ZNF804A: variants seen among roughly 807,000 people sequenced by gnomAD.
The protein encoded by ZNF804A is zinc finger protein 804A.
A neutral mutation model predicts 16.5 loss-of-function variants in ZNF804A; 2 were observed. The ratio of observed to expected loss-of-function variants is 0.12; its 90% CI spans 0.05 to 0.38. The LOEUF is 0.38. ZNF804A is among the 10% of genes least tolerant of loss of function. The pLI, the probability that ZNF804A is intolerant of heterozygous loss-of-function variation, is 0.99. For missense variants in ZNF804A, 1,473 were observed against 1,390.7 expected, an observed-to-expected ratio of 1.06 and a Z score of -0.94; for synonymous variants, 534 against 489.6, an observed-to-expected ratio of 1.09 and a Z score of -1.20.
intron 1 of ZNF804A, among the ~76,000 whole-genome samples, chr2:184,698,054 A>G (rs1296339432): frequency 1.3e-5 from 2 of 152,104 alleles, no homozygotes; most frequent in Non-Finnish European, 2.9e-5. Context: ...TAAAAGGTTC[A>G]GATTTAATTT....
In ZNF804A at chr2:184,938,022, A is replaced by C; in HGVS notation, c.2626A>C (p.Arg876=). The change falls in exon 4 of 4, where the codon AGA becomes CGA. Residue 876 remains arginine, a synonymous_variant. Coordinates refer to ENST00000302277, the MANE Select transcript of ZNF804A (RefSeq NM_194250.2). ...GAACTCAGAACAAACAAACCAATTA[A>C]GAAACAAACTGTCTTTCCACCCTAA... ...ERNSEQTNQL[R]NKLSFHPNNL... 6.2e-7 allele frequency: 1 copy of C among 1,614,118 alleles called. No individual in the cohort carries two copies. The highest frequency in any genetic ancestry group is 8.5e-7 in the Non-Finnish European group (1 of 1,180,016).
chr2:184,702,840 T>C (rs535744365), intron 1 of ZNF804A, among the ~76,000 whole-genome samples: 3 of 152,324 alleles, frequency 2.0e-5, no homozygotes, highest in African/African-American at 4.8e-5. Flanking sequence ...GTATATGTTA[T>C]GTATATCTAT....
At chr2:184,649,583 G>T (rs940026872) in intron 1 of ZNF804A, among the ~76,000 whole-genome samples, 6 of 151,768 alleles carry the variant, frequency 4.0e-5, no homozygotes, top group Non-Finnish European at 8.8e-5. Context: ...AAATGACAAA[G>T]GTGACATTAC....
chr2:184,880,286 C>A (rs1046977574), intron 2 of ZNF804A, among the ~76,000 whole-genome samples: 2 of 152,112 alleles, frequency 1.3e-5, no homozygotes, highest in African/African-American at 4.8e-5. Context: ...GATATGACAG[C>A]TTTACCCTAA....
In ZNF804A at chr2:184,768,144, G is replaced by A. The variant is rs1187261802; in HGVS notation, c.112-98225G>A. ...ACAGTAAAAAATACAAACTTAAAAA[G>A]CAATACAGGAAAACAACTATTTGCA... On this transcript the variant is annotated intron_variant, in intron 1 of 3. Coordinates refer to ENST00000302277, the MANE Select transcript of ZNF804A (RefSeq NM_194250.2). Among the ~76,000 whole-genome samples the A allele has an allele frequency of 2.6e-5, 4 of 151,920 alleles. 1 individual carries two copies. In the East Asian group the frequency reaches 5.8e-4, roughly 22 times the overall value.
At chr2:184,686,570 G>A (rs1692637416) in intron 1 of ZNF804A, among the ~76,000 whole-genome samples, 1 of 152,200 alleles carries the variant, frequency 6.6e-6, no homozygotes, top group Admixed American at 6.5e-5. Context: ...AGTAATGGGA[G>A]CATTGAGTTG....
Position 184,938,452 on chromosome 2 carries a change from C to A in ZNF804A, c.3056C>A (p.Thr1019Lys), listed in dbSNP as rs200513295. 89 of 1,613,972 alleles carry A rather than the reference C, an allele frequency of 5.5e-5. No homozygotes were observed. The highest frequency in any genetic ancestry group is 6.9e-5 in the Non-Finnish European group (82 of 1,180,018). The change falls in exon 4 of 4, where the codon ACA becomes AAA. Residue 1019 changes from threonine (T) to lysine (K), a missense_variant. Thr to Lys is a moderately conservative substitution (Grantham distance 78). Transcript: ENST00000302277. ...EAHVSGHTFV[T>K]AEQILAPLAL... ...CATGTCAGTGGTCATACTTTTGTAA[C>A]AGCTGAGCAAATCCTGGCTCCATTA...
chr2:184,848,827 T>A (rs1695560633), intron 1 of ZNF804A, among the ~76,000 whole-genome samples: 1 of 152,064 alleles, frequency 6.6e-6, no homozygotes, highest in African/African-American at 2.4e-5. Context: ...TGAGGAATGA[T>A]AACATCTTAA....
In ZNF804A at chr2:184,659,400, G is replaced by A. The variant is rs1310099709; in HGVS notation, c.111+60330G>A. ...GCAGCTATTACATGTTAGGCACTTG[G>A]TCAGATACTTTATATGCACATTTTT... On this transcript the variant is annotated intron_variant, in intron 1 of 3. Transcript: ENST00000302277. 2.0e-5 allele frequency among the ~76,000 whole-genome samples: 3 copies of A among 151,940 alleles called. No individual in the cohort carries two copies. The East Asian group carries it at 5.8e-4, about 29-fold the overall frequency.
chr2:184,766,651 T>A, intron 1 of ZNF804A, among the ~76,000 whole-genome samples: 1 of 151,820 alleles, frequency 6.6e-6, no homozygotes, highest in African/African-American at 2.4e-5. Flanking sequence ...AAAAGAGAAT[T>A]ACCTTACAAT....
At chr2:184,894,383 G>A (rs1685033549) in intron 2 of ZNF804A, among the ~76,000 whole-genome samples, 1 of 151,912 alleles carries the variant, frequency 6.6e-6, no homozygotes, top group African/African-American at 2.4e-5. Flanking sequence ...GAGATGACTT[G>A]AATACATATA....
intron 1 of ZNF804A, among the ~76,000 whole-genome samples, chr2:184,709,314 T>C (rs1456252750): frequency 6.6e-6 from 1 of 152,094 alleles, no homozygotes; most frequent in African/African-American, 2.4e-5. Context: ...TGAAACCAAG[T>C]CATGTAGATA....
At position 184,717,192 on chromosome 2, in the gene ZNF804A, G is replaced by A. The variant is rs115695736; in HGVS notation, c.111+118122G>A. 7.4e-3 allele frequency among the ~76,000 whole-genome samples: 1,133 copies of A among 152,256 alleles called. 21 individuals are homozygous for A. Among genetic ancestry groups the A allele is most frequent in the African/African-American group, 0.026 (1,076 of 41,562 alleles). ...TAAATTACTATGCTTCTTAAAATTA[G>A]TTTTTGTACGTCTCTCTCTCATGAT... On this transcript the variant is annotated intron_variant, in intron 1 of 3. Transcript: ENST00000302277.
intron 1 of ZNF804A, among the ~76,000 whole-genome samples, chr2:184,735,357 C>T (rs1693590133): frequency 6.6e-6 from 1 of 152,104 alleles, no homozygotes. Flanking sequence ...AAACCAAACA[C>T]TGCATTTTCT....
intron 1 of ZNF804A, among the ~76,000 whole-genome samples, chr2:184,620,235 A>AT (rs1489856580): frequency 6.6e-6 from 1 of 151,802 alleles, no homozygotes; most frequent in African/African-American, 2.4e-5. Context: ...TTGCGTTATA[A>AT]TTCTTTAACA....
chr2:184,776,250 G>T (rs1179566237), intron 1 of ZNF804A, among the ~76,000 whole-genome samples: 1 of 151,362 alleles, frequency 6.6e-6, no homozygotes, highest in Non-Finnish European at 1.5e-5. Flanking sequence ...GAAGAGTTGA[G>T]GGAAGATTTC....
chr2:184,904,472 A>G (rs10497661), intron 2 of ZNF804A, among the ~76,000 whole-genome samples: 7,659 of 152,176 alleles, frequency 0.05, 251 homozygotes, highest in Middle Eastern at 0.078. Flanking sequence ...GTGGCATGGC[A>G]TTAGACCTTA....
chr2:184,922,030 T>G, intron 2 of ZNF804A, among the ~76,000 whole-genome samples: 1 of 152,192 alleles, frequency 6.6e-6, no homozygotes, highest in East Asian at 1.9e-4. Context: ...GATGGAGACT[T>G]AGGCTGCTTC....
chr2:184,924,869 G>T (rs1190626825), intron 2 of ZNF804A, among the ~76,000 whole-genome samples: 2 of 151,482 alleles, frequency 1.3e-5, no homozygotes, highest in African/African-American at 2.4e-5. Flanking sequence ...TCCTTTTATT[G>T]ATTTCTGGTT....
Sources: gnomAD v4.1 joint callset for allele counts (sites outside exome capture counted in the v4.1 genomes callset) on GRCh38, gnomAD v4.1.1 for gene constraint, MANE v1.5 for transcripts, NCBI Gene and HGNC (gene_info 2026-07-23, HGNC 2026-07-21) for gene names.